The following TNNI3K variants were observed in gnomAD, a reference collection of about 807,000 sequenced individuals.
TNNI3K encodes serine/threonine-protein kinase TNNI3K.
TNNI3K carries 140 observed loss-of-function variants against 114.5 expected under a neutral mutation model. The ratio of observed to expected loss-of-function variants is 1.22; its 90% CI spans 1.07 to 1.41. The LOEUF (loss-of-function observed/expected upper bound fraction) is 1.41, where lower values mean the gene tolerates loss of function less well. Ranked by LOEUF, TNNI3K falls within the 40% of genes most tolerant of loss-of-function variation. The probability of loss-of-function intolerance (pLI) is 0.00; values close to 1 mark genes in which losing one functional copy is unlikely to be tolerated. For synonymous variants in TNNI3K, 347 were observed against 347.5 expected (o/e 1.00, Z 0.02); for missense variants, 1,125 against 1,007.6 (o/e 1.12, Z -1.58).
chr1:74,340,905 A>T (rs1311012485), intron 7 of TNNI3K, among the ~76,000 whole-genome samples: 2 of 152,158 alleles, frequency 1.3e-5, no homozygotes, highest in African/African-American at 4.8e-5. Context: ...CGTCTTTTTG[A>T]GCTGCTCATT....
chr1:74,436,416 C>G, intron 18 of TNNI3K, 58 bp from the exon 19 acceptor site: 1 of 1,521,014 alleles, frequency 6.6e-7, no homozygotes, highest in Non-Finnish European at 8.8e-7. Context: ...TAACTGTGAT[C>G]TTTTACCTTG....
chr1:74,279,834 G>A (rs948216064), intron 5 of TNNI3K, among the ~76,000 whole-genome samples: 2 of 152,110 alleles, frequency 1.3e-5, no homozygotes, highest in African/African-American at 4.8e-5. Context: ...AAATTTCATA[G>A]TAGTAGTATT....
At chr1:74,508,636 G>T (rs917988663) in intron 23 of TNNI3K, among the ~76,000 whole-genome samples, 1 of 152,186 alleles carries the variant, frequency 6.6e-6, no homozygotes, top group African/African-American at 2.4e-5. Flanking sequence ...TAGCATGGGA[G>T]ACTGCACACA....
chr1:74,363,369 C>A (rs1320902303), intron 11 of TNNI3K, among the ~76,000 whole-genome samples: 1 of 152,014 alleles, frequency 6.6e-6, no homozygotes, highest in Non-Finnish European at 1.5e-5. Context: ...CTGAGGGGGC[C>A]TCTTGGCATT....
At chr1:74,375,435 C>T (rs1053308818) in intron 17 of TNNI3K, 13 of 381,944 alleles carry the variant, frequency 3.4e-5, no homozygotes, top group African/African-American at 1.9e-4. Context: ...AACAAATTAG[C>T]CACAAGATTA....
chr1:74,543,594 C>T (rs974577056), intron 24 of TNNI3K, among the ~76,000 whole-genome samples: 7 of 152,194 alleles, frequency 4.6e-5, no homozygotes, highest in East Asian at 1.9e-4. Context: ...ATTTGCCTGA[C>T]GTGAAAGCCT....
intron 17 of TNNI3K, among the ~76,000 whole-genome samples, chr1:74,380,415 A>T (rs1006363300): frequency 5.3e-5 from 8 of 151,978 alleles, no homozygotes; most frequent in African/African-American, 1.9e-4. Context: ...TTAATACAAC[A>T]CTCACACGGT....
chr1:74,280,118 C>T (rs150461683), intron 5 of TNNI3K, among the ~76,000 whole-genome samples: 142 of 152,282 alleles, frequency 9.3e-4, no homozygotes, highest in African/African-American at 2.8e-3. Context: ...TGCGGTGGCT[C>T]ACGCCTGTAA....
chr1:74,359,352 C>T (rs1042466142), intron 11 of TNNI3K, among the ~76,000 whole-genome samples: 3 of 151,944 alleles, frequency 2.0e-5, no homozygotes, highest in Non-Finnish European at 4.4e-5. Flanking sequence ...CAATCGAATC[C>T]ACATAACTCC....
intron 17 of TNNI3K, among the ~76,000 whole-genome samples, chr1:74,399,173 A>C (rs951391576): frequency 2.0e-5 from 3 of 151,184 alleles, no homozygotes; most frequent in Non-Finnish European, 3.0e-5. Flanking sequence ...AAAAAAAAAA[A>C]AAAAAACACC....
chr1:74,286,581 T>C (rs2122283), intron 5 of TNNI3K, among the ~76,000 whole-genome samples: 4,456 of 152,122 alleles, frequency 0.029, 202 homozygotes, highest in African/African-American at 0.1. Context: ...GCTCCAGGCT[T>C]GCCCCTACAA....
rs189466339 is a variant in TNNI3K, at chr1:74,271,582, A to G, written c.334-16A>G. The G allele has an allele frequency of 6.9e-6, 11 of 1,583,888 alleles. No homozygotes were observed. The highest frequency in any genetic ancestry group is 2.7e-5 in the African/African-American group (2 of 73,810). ...TATTAGCAGAAAAGTAACACTAAAG[A>G]TATGTTTCCTTACAGGATAATGCAG... is the stretch of plus-strand genomic sequence containing the variant. On this transcript the variant is annotated splice_polypyrimidine_tract_variant and intron_variant, in intron 4 of 24. Coordinates refer to ENST00000326637, the MANE Select transcript of TNNI3K (RefSeq NM_015978.3).
chr1:74,405,812 T>G (rs562957110), intron 17 of TNNI3K, among the ~76,000 whole-genome samples: 19 of 152,244 alleles, frequency 1.2e-4, no homozygotes, highest in Admixed American at 5.9e-4. Flanking sequence ...ATTATTCTCT[T>G]GTGATTTTCA....
At chr1:74,284,166 G>T (rs755665932) in intron 5 of TNNI3K, among the ~76,000 whole-genome samples, 2 of 152,150 alleles carry the variant, frequency 1.3e-5, no homozygotes, top group Non-Finnish European at 2.9e-5. Flanking sequence ...AATAACAAGT[G>T]GGGGCTACTT....
intron 21 of TNNI3K, among the ~76,000 whole-genome samples, chr1:74,473,484 A>G (rs754147843): frequency 1.3e-5 from 2 of 152,078 alleles, no homozygotes; most frequent in Non-Finnish European, 2.9e-5. Context: ...ACTGCAAAAC[A>G]TCTTAACCGC....
intron 17 of TNNI3K, among the ~76,000 whole-genome samples, chr1:74,423,088 C>T (rs534315599): frequency 1.3e-5 from 2 of 152,122 alleles, no homozygotes; most frequent in East Asian, 1.9e-4. Context: ...TTTCTAAACA[C>T]TCTCAGGGTA....
At chr1:74,535,423 TTGCATCA>T (rs1646648552) in intron 23 of TNNI3K, among the ~76,000 whole-genome samples, 2 of 152,124 alleles carry the variant, frequency 1.3e-5, no homozygotes, top group African/African-American at 4.8e-5. Flanking sequence ...TGAGCCGAGA[TTGCATCA>T]CTGCAATCCA....
intron 17 of TNNI3K, among the ~76,000 whole-genome samples, chr1:74,424,718 C>A (rs1170351367): frequency 8.5e-3 from 968 of 113,266 alleles, no homozygotes; most frequent in African/African-American, 0.013. Flanking sequence ...GAGTCCATCT[C>A]AAAAAAAAAA....
intron 19 of TNNI3K, among the ~76,000 whole-genome samples, chr1:74,437,329 G>T (rs1666181512): frequency 6.6e-6 from 1 of 151,922 alleles, no homozygotes; most frequent in Non-Finnish European, 1.5e-5. Flanking sequence ...TTCATTTTTT[G>T]CATCATCAAC....
Sources: gnomAD v4.1 joint callset for allele counts (sites outside exome capture counted in the v4.1 genomes callset) on GRCh38, gnomAD v4.1.1 for gene constraint, MANE v1.5 for transcripts, NCBI Gene and HGNC (gene_info 2026-07-23, HGNC 2026-07-21) for gene names.